The following TMEM61 variants were observed in gnomAD, a reference collection of about 807,000 sequenced individuals.
The protein encoded by TMEM61 is transmembrane protein 61.
A neutral mutation model predicts 12.0 loss-of-function variants in TMEM61; 13 were observed. That is an observed-to-expected ratio of 1.08 (90% CI 0.70 to 1.72). TMEM61 has a LOEUF of 1.72. Ranked by LOEUF, TMEM61 falls within the 40% of genes most tolerant of loss-of-function variation. The pLI is 0.00. For missense variants in TMEM61, 249 were observed against 276.9 expected (o/e 0.90, Z 0.71); for synonymous variants, 109 against 121.4 (o/e 0.90, Z 0.67).
chr1:54,990,027 T>C (rs1247059385), intron 2 of TMEM61, among the ~76,000 whole-genome samples: 1 of 151,366 alleles, frequency 6.6e-6, no homozygotes, highest in African/African-American at 2.4e-5. Flanking sequence ...TCAGAGAAGG[T>C]GTAAATGTGG....
chr1:54,989,032 G>A (rs1164450677), intron 2 of TMEM61, among the ~76,000 whole-genome samples: 5 of 152,214 alleles, frequency 3.3e-5, no homozygotes, highest in African/African-American at 9.7e-5. Flanking sequence ...AGGGAAGCGT[G>A]CACTCTGTAG....
intron 2 of TMEM61, among the ~76,000 whole-genome samples, chr1:54,987,979 GTC>G (rs564392005): frequency 1.6e-4 from 25 of 152,360 alleles, no homozygotes; most frequent in African/African-American, 6.0e-4. Context: ...AGCCCTTTCT[GTC>G]TATGGGTTCT....
At chr1:54,981,680 T>A (rs1644223574) in intron 1 of TMEM61, among the ~76,000 whole-genome samples, 1 of 152,174 alleles carries the variant, frequency 6.6e-6, no homozygotes, top group South Asian at 2.1e-4. Flanking sequence ...GAGAATGGCA[T>A]GGCGTTCCAT....
At chr1:54,985,729 TGGA>T (rs1184671541) in intron 1 of TMEM61, among the ~76,000 whole-genome samples, 1 of 151,604 alleles carries the variant, frequency 6.6e-6, no homozygotes, top group East Asian at 1.9e-4. Flanking sequence ...CTGGCAGGCC[TGGA>T]GGTTCCAACA....
At position 54,986,152 on chromosome 1, in the gene TMEM61, G is replaced by A; in HGVS notation, c.71G>A (p.Gly24Asp). Residue 24 changes from glycine (G) to aspartate (D), a missense_variant, in exon 2 of 3, where the codon GGC becomes GAC. Gly to Asp is a moderately conservative substitution (Grantham distance 94, BLOSUM62 -1). Coordinates refer to ENST00000371268, the MANE Select transcript of TMEM61 (RefSeq NM_182532.3). The stretch of plus-strand genomic sequence containing the variant: ...CTCCGCTATTGCATGACAGTCAGCG[G>A]CACAGTGGTTCTGGTGGCCGGGACG... ...STLRYCMTVS[G>D]TVVLVAGTLC... is the part of the protein sequence containing the mutation. 6.2e-7 allele frequency: 1 copy of A among 1,611,652 alleles called. No homozygotes were observed. The highest frequency in any genetic ancestry group is 1.3e-5 in the African/African-American group (1 of 75,058).
chr1:54,992,164 G>C lies in TMEM61; in HGVS notation c.*61G>C. 6.4e-7 allele frequency: 1 copy of C among 1,565,568 alleles called. No individual in the cohort carries two copies. Among genetic ancestry groups the C allele is most frequent in the Non-Finnish European group, 8.6e-7 (1 of 1,158,970 alleles). Reference sequence around the variant, plus strand: ...TGCCGTGCCTTCTCCAGAGTCTTATGCAGTGCCTGGGACACAGTAGGCACT... The same window carrying C: ...TGCCGTGCCTTCTCCAGAGTCTTATCCAGTGCCTGGGACACAGTAGGCACT... On this transcript the variant is annotated 3_prime_UTR_variant, in exon 3 of 3. Transcript: ENST00000371268.
At chr1:54,986,018 C>T (rs148953000) in intron 1 of TMEM61, 79 bp from the exon 2 acceptor site, 8 of 1,300,962 alleles carry the variant, frequency 6.1e-6, no homozygotes, top group East Asian at 4.9e-5. Flanking sequence ...ACAGTGACCT[C>T]AGGCAAAGGA....
At chr1:54,987,789 A>C (rs898391005) in intron 2 of TMEM61, among the ~76,000 whole-genome samples, 6 of 152,136 alleles carry the variant, frequency 3.9e-5, no homozygotes, top group African/African-American at 1.4e-4. Flanking sequence ...CGTCAGTCCT[A>C]AGCCCTGGAT....
At chr1:54,982,926 A>G (rs757885592) in intron 1 of TMEM61, among the ~76,000 whole-genome samples, 2 of 151,992 alleles carry the variant, frequency 1.3e-5, no homozygotes, top group East Asian at 1.9e-4. Context: ...GTGAGGGGAC[A>G]CCTGTAAAGT....
intron 1 of TMEM61, among the ~76,000 whole-genome samples, chr1:54,983,372 C>T (rs1644237167): frequency 6.6e-6 from 1 of 152,032 alleles, no homozygotes; most frequent in Admixed American, 6.6e-5. Context: ...ATCCACCCAC[C>T]TCGGCCTCCC....
Position 54,992,172 on chromosome 1 carries a change from T to G in TMEM61, c.*69T>G. 1 of 1,545,112 alleles carries G rather than the reference T, an allele frequency of 6.5e-7. No individual in the cohort carries two copies. Among genetic ancestry groups the G allele is most frequent in the Non-Finnish European group, 8.7e-7 (1 of 1,146,566 alleles). ...CTTCTCCAGAGTCTTATGCAGTGCC[T>G]GGGACACAGTAGGCACTCAGCAAAC... On this transcript the variant is annotated 3_prime_UTR_variant, in exon 3 of 3. Coordinates refer to ENST00000371268, the MANE Select transcript of TMEM61 (RefSeq NM_182532.3).
chr1:54,983,656 C>A (rs534425238), intron 1 of TMEM61, among the ~76,000 whole-genome samples: 1 of 152,268 alleles, frequency 6.6e-6, no homozygotes, highest in South Asian at 2.1e-4. Flanking sequence ...GGCCTGCCCA[C>A]CTGTAGGGAG....
At chr1:54,983,775 C>A (rs1644239616) in intron 1 of TMEM61, among the ~76,000 whole-genome samples, 1 of 151,948 alleles carries the variant, frequency 6.6e-6, no homozygotes, top group South Asian at 2.1e-4. Flanking sequence ...TTTTTTTTCC[C>A]AGAAGCAGGT....
chr1:54,992,027 C>G lies in TMEM61; in HGVS notation c.557C>G (p.Ala186Gly), dbSNP rs1352833371. The change falls in exon 3 of 3, where the codon GCC becomes GGC. Residue 186 changes from alanine (A) to glycine (G), a missense_variant. Ala to Gly is a moderately conservative substitution (Grantham distance 60, BLOSUM62 0). Coordinates refer to ENST00000371268, the MANE Select transcript of TMEM61 (RefSeq NM_182532.3). ...SYESISLALD[A>G]VSAETTPSAT... ...GAGAGCATCAGCCTTGCTCTTGATGCCGTTTCTGCGGAGACGACACCGAGT... is the reference window on the plus strand; with the variant it reads ...GAGAGCATCAGCCTTGCTCTTGATGGCGTTTCTGCGGAGACGACACCGAGT... 28 of 1,613,720 alleles carry G rather than the reference C, an allele frequency of 1.7e-5. No homozygotes were observed. Among genetic ancestry groups the G allele is most frequent in the Non-Finnish European group, 2.4e-5 (28 of 1,179,962 alleles).
At chr1:54,981,197 C>G (rs909841575) in intron 1 of TMEM61, 117 bp downstream of exon 1, 10 of 1,196,256 alleles carry the variant, frequency 8.4e-6, no homozygotes, top group Non-Finnish European at 1.1e-5. Context: ...AGTGTGGACA[C>G]CCGGGGCTCT....
intron 2 of TMEM61, among the ~76,000 whole-genome samples, chr1:54,987,159 G>T (rs1352452696): frequency 6.6e-6 from 1 of 152,178 alleles, no homozygotes; most frequent in East Asian, 1.9e-4. Flanking sequence ...CTATGCTCAC[G>T]CCCACTCCCT....
At chr1:54,985,199 A>G (rs1644249048) in intron 1 of TMEM61, among the ~76,000 whole-genome samples, 1 of 150,398 alleles carries the variant, frequency 6.6e-6, no homozygotes, top group Admixed American at 6.7e-5. Context: ...ATTATTAATA[A>G]GGCCACGGTG....
Position 54,986,300 on chromosome 1 carries a change from C to A in TMEM61, c.219C>A (p.Cys73Ter), listed in dbSNP as rs1309438687. ...TGCTCAGGTCCGTCAGCTTCGTCTGCTGCGGTGCAGGTGGCCTGCTGCTGC... is the reference window on the plus strand; with the variant it reads ...TGCTCAGGTCCGTCAGCTTCGTCTGATGCGGTGCAGGTGGCCTGCTGCTGC... ...SPLLRSVSFV[C>*]CGAGGLLLLI... Residue 73 changes from cysteine to a stop codon, truncating the protein, a stop_gained, in exon 2 of 3, where the codon TGC becomes TGA. Coordinates refer to ENST00000371268, the MANE Select transcript of TMEM61 (RefSeq NM_182532.3). LOFTEE classifies it high-confidence loss of function. 1 of 1,614,064 alleles carries A rather than the reference C, an allele frequency of 6.2e-7. No homozygotes were observed. Among genetic ancestry groups the A allele is most frequent in the East Asian group, 2.2e-5 (1 of 44,882 alleles).
At chr1:54,985,009 G>GTA (rs775251425) in intron 1 of TMEM61, among the ~76,000 whole-genome samples, 14 of 152,054 alleles carry the variant, frequency 9.2e-5, no homozygotes, top group Non-Finnish European at 1.6e-4. Context: ...GCATAATTTA[G>GTA]TATACTAAGT....
Sources: allele counts gnomAD v4.1 joint callset (sites outside exome capture counted in the v4.1 genomes callset), GRCh38; gene constraint gnomAD v4.1.1; transcripts MANE v1.5; gene names NCBI Gene and HGNC (gene_info 2026-07-23, HGNC 2026-07-21).